Variants in STXBP3 observed in about 807,000 individuals in gnomAD.
STXBP3 encodes syntaxin binding protein 3.
In STXBP3, 41 loss-of-function variants were observed where a neutral mutation model predicts 85.7. That is an observed-to-expected ratio of 0.48 (90% CI 0.37 to 0.62). The LOEUF is 0.62. STXBP3 is among the 20% of genes least tolerant of loss of function. STXBP3 has a pLI of 0.00. For missense variants in STXBP3, 563 were observed against 703.1 expected (o/e 0.80, Z 2.25); for synonymous variants, 229 against 231.7 (o/e 0.99, Z 0.10).
chr1:108,758,619 G>T (rs542455517), intron 5 of STXBP3, 31 bp downstream of exon 5: 5 of 1,326,056 alleles, frequency 3.8e-6, no homozygotes, highest in East Asian at 2.5e-5. Flanking sequence ...TTGCTTCATT[G>T]TTCAAAATGC....
chr1:108,782,279 A>G (rs535449084), intron 9 of STXBP3, 143 bp from the exon 10 acceptor site: 1 of 605,456 alleles, frequency 1.7e-6, no homozygotes. Flanking sequence ...AGTTTTGAGT[A>G]GGTATTCATT....
intron 3 of STXBP3, among the ~76,000 whole-genome samples, chr1:108,753,376 T>G (rs971151097): frequency 6.6e-6 from 1 of 151,064 alleles, no homozygotes; most frequent in African/African-American, 2.4e-5. Context: ...TTGTTGAGGT[T>G]GTTCTTTAAA....
At position 108,765,168 on chromosome 1, in the gene STXBP3, G is replaced by A. The variant is rs537741200; in HGVS notation, c.438+5083G>A. Reference sequence around the variant, plus strand: ...CCACATTGTTCTTGTCAGCTTTGTCGAATATCAGATGGTTGTAGGTATGCG... The same window carrying A: ...CCACATTGTTCTTGTCAGCTTTGTCAAATATCAGATGGTTGTAGGTATGCG... On this transcript the variant is annotated intron_variant, in intron 6 of 18. Transcript: ENST00000370008. Among the ~76,000 whole-genome samples, 4 of 152,104 alleles carry A rather than the reference G, an allele frequency of 2.6e-5. No individual in the cohort carries two copies. The South Asian group carries it at 6.2e-4, about 24-fold the overall frequency.
chr1:108,777,496 A>G (rs1198130105), intron 8 of STXBP3, among the ~76,000 whole-genome samples: 1 of 152,154 alleles, frequency 6.6e-6, no homozygotes, highest in African/African-American at 2.4e-5. Context: ...TTTTTGGTTT[A>G]GAGGCCTGGT....
chr1:108,803,124 T>G (rs1013966009), intron 17 of STXBP3, among the ~76,000 whole-genome samples: 7 of 152,350 alleles, frequency 4.6e-5, no homozygotes, highest in Admixed American at 2.0e-4. Flanking sequence ...TATTTTTTCC[T>G]TTTCTACAAA....
At chr1:108,759,946 C>A in intron 5 of STXBP3, 39 bp from the exon 6 acceptor site, 1 of 1,225,232 alleles carries the variant, frequency 8.2e-7, no homozygotes, top group Non-Finnish European at 1.2e-6. Flanking sequence ...GGAATAAAAT[C>A]TAGATGTAAC....
chr1:108,785,769 TC>T (rs1392465751), intron 11 of STXBP3, among the ~76,000 whole-genome samples: 1 of 152,150 alleles, frequency 6.6e-6, no homozygotes, highest in Non-Finnish European at 1.5e-5. Context: ...TCTCTTGAGA[TC>T]AAAGTTCCCC....
chr1:108,783,907 G>A lies in STXBP3; in HGVS notation c.963+1201G>A, dbSNP rs2101124940. The stretch of plus-strand genomic sequence containing the variant: ...TGGTTTTAATTTCAATTTCTCTAAT[G>A]TTCTTGTGCATATTGGCCATTAGGA... On this transcript the variant is annotated intron_variant, in intron 11 of 18. Transcript: ENST00000370008. Among the ~76,000 whole-genome samples the A allele has an allele frequency of 1.3e-5, 2 of 152,236 alleles. 1 individual carries two copies. Among genetic ancestry groups the A allele is most frequent in the Non-Finnish European group, 2.9e-5 (2 of 68,004 alleles).
intron 9 of STXBP3, 85 bp from the exon 10 acceptor site, chr1:108,782,337 C>A: frequency 9.5e-7 from 1 of 1,053,530 alleles, no homozygotes. Context: ...TGAGTTGTGT[C>A]TTGAAATTAT....
At chr1:108,807,619 C>CT in intron 18 of STXBP3, 70 bp downstream of exon 18, 1 of 1,491,816 alleles carries the variant, frequency 6.7e-7, no homozygotes, top group Non-Finnish European at 9.0e-7. Context: ...TCTTGTCCCC[C>CT]AGGCTGGAGT....
At chr1:108,760,446 T>G (rs1397747178) in intron 6 of STXBP3, among the ~76,000 whole-genome samples, 1 of 151,934 alleles carries the variant, frequency 6.6e-6, no homozygotes, top group Non-Finnish European at 1.5e-5. Flanking sequence ...TTTAATAAAC[T>G]TTTTATATAA....
chr1:108,782,480 G>A lies in STXBP3; in HGVS notation c.868G>A (p.Val290Ile). The A allele has an allele frequency of 6.2e-7, 1 of 1,613,772 alleles. No homozygotes were observed. The highest frequency in any genetic ancestry group is 8.5e-7 in the Non-Finnish European group (1 of 1,179,866). The change falls in exon 10 of 19, where the codon GTT becomes ATT. Residue 290 changes from valine (V) to isoleucine (I), a missense_variant. Around this residue, in one of 3 missense-constraint regions of STXBP3, gnomAD observed 494 missense variants for 592.8 expected, o/e 0.83. Coordinates refer to ENST00000370008, the MANE Select transcript of STXBP3 (RefSeq NM_007269.4). ...CCTTGAAGAAGAAGATGACCTCTGGGTTAGAATTCGACATCGACATATTGC... is the reference window on the plus strand; with the variant it reads ...CCTTGAAGAAGAAGATGACCTCTGGATTAGAATTCGACATCGACATATTGC... Reference protein sequence around the residue: ...AILEEEDDLWVRIRHRHIAVV... With the variant: ...AILEEEDDLWIRIRHRHIAVV...
intron 6 of STXBP3, among the ~76,000 whole-genome samples, chr1:108,770,918 T>A (rs1662378407): frequency 6.6e-6 from 1 of 152,098 alleles, no homozygotes. Flanking sequence ...CAATGCCATG[T>A]CTTTTGGGGA....
intron 15 of STXBP3, 66 bp downstream of exon 15, chr1:108,796,792 GTTTT>G: frequency 1.1e-6 from 1 of 898,590 alleles, no homozygotes; most frequent in East Asian, 3.9e-5. Flanking sequence ...TGTATTAACT[GTTTT>G]TTTTTTTTAT....
chr1:108,805,991 A>T (rs1051184769), intron 17 of STXBP3, among the ~76,000 whole-genome samples: 2 of 152,246 alleles, frequency 1.3e-5, no homozygotes, highest in Non-Finnish European at 1.5e-5. Context: ...TAGGTAACAA[A>T]ATGAACAATT....
At chr1:108,797,558 G>A (rs906766256) in intron 15 of STXBP3, among the ~76,000 whole-genome samples, 1 of 150,514 alleles carries the variant, frequency 6.6e-6, no homozygotes, top group Admixed American at 6.6e-5. Context: ...ACAGGCGCCT[G>A]CCATCCGCCC....
At position 108,807,448 on chromosome 1, in the gene STXBP3, G is replaced by T; in HGVS notation, c.1583G>T (p.Gly528Val). The change falls in exon 18 of 19, where the codon GGG (glycine) becomes GTG (valine). Residue 528 changes from glycine to valine, a missense_variant. By Grantham distance (109) the Gly-to-Val change is moderately radical. Coordinates refer to ENST00000370008, the MANE Select transcript of STXBP3 (RefSeq NM_007269.4). ...AATTATTTAGAAGACCGAAAAAATGGGTCAAAGCTGATTGTTTTTGTAATT... is the reference window on the plus strand; with the variant it reads ...AATTATTTAGAAGACCGAAAAAATGTGTCAAAGCTGATTGTTTTTGTAATT... The part of the protein sequence containing the change: ...RANYLEDRKN[G>V]SKLIVFVIGG... 3.1e-6 allele frequency: 5 copies of T among 1,613,300 alleles called. No individual in the cohort carries two copies. Among genetic ancestry groups the T allele is most frequent in the Non-Finnish European group, 4.2e-6 (5 of 1,179,790 alleles).
At chr1:108,770,690 C>A (rs911565824) in intron 6 of STXBP3, among the ~76,000 whole-genome samples, 2 of 152,160 alleles carry the variant, frequency 1.3e-5, no homozygotes, top group African/African-American at 4.8e-5. Flanking sequence ...AATAAATTTT[C>A]ATAGTTTAAG....
At chr1:108,759,440 T>C (rs1048336572) in intron 5 of STXBP3, among the ~76,000 whole-genome samples, 1 of 152,182 alleles carries the variant, frequency 6.6e-6, no homozygotes, top group Non-Finnish European at 1.5e-5. Context: ...AGCCAGTGGT[T>C]GATATTCCAA....
Sources: allele counts gnomAD v4.1 joint callset (sites outside exome capture counted in the v4.1 genomes callset), GRCh38; gene constraint gnomAD v4.1.1; regional missense constraint gnomAD v4.1.1; transcripts MANE v1.5; gene names NCBI Gene and HGNC (gene_info 2026-07-23, HGNC 2026-07-21).